The following XDH variants were observed in gnomAD, a reference collection of about 807,000 sequenced individuals.
XDH encodes xanthine dehydrogenase.
XDH carries 138 observed loss-of-function variants against 156.1 expected under a neutral mutation model. The observed-to-expected ratio is 0.88, with a 90% CI of 0.77 to 1.02. The LOEUF (loss-of-function observed/expected upper bound fraction) is 1.02. XDH is among the 50% of genes least tolerant of loss of function. The pLI is 0.00. For missense variants in XDH, 1,849 were observed against 1,684.9 expected, an observed-to-expected ratio of 1.10 and a Z score of -1.71; for synonymous variants, 669 against 625.7, an observed-to-expected ratio of 1.07 and a Z score of -1.03.
At chr2:31,406,392 G>GGCTTGT (rs1687192265) in intron 1 of XDH, among the ~76,000 whole-genome samples, 1 of 152,176 alleles carries the variant, frequency 6.6e-6, no homozygotes, top group Non-Finnish European at 1.5e-5. Flanking sequence ...ACAGCCTGCA[G>GGCTTGT]AACTGTGAGC....
Position 31,343,435 on chromosome 2 carries a change from GTATA to G in XDH, c.3405-1142_3405-1139del, listed in dbSNP as rs200798849. ...ATATGGCATAGAAATGTTTTTTTGT[GTATA>G]TATGTTTATACATATATGCCTTATA... On this transcript the variant is annotated intron_variant, in intron 31 of 35. Coordinates refer to ENST00000379416, the MANE Select transcript of XDH (RefSeq NM_000379.4). Among the ~76,000 whole-genome samples the G allele has an allele frequency of 1.3e-3, 179 of 133,722 alleles. 4 individuals carry two copies. In the East Asian group the frequency reaches 0.037, roughly 28 times the overall value. The allele number at this position is 133,722 out of a possible 152,430, so 87.7% of individuals were successfully genotyped here.
chr2:31,347,688 T>C (rs1366727910), intron 28 of XDH, 38 bp from the exon 29 acceptor site: 2 of 1,602,838 alleles, frequency 1.2e-6, no homozygotes, highest in East Asian at 4.5e-5. Context: ...AGGGAAGGGG[T>C]TATCATGGGG....
chr2:31,372,864 G>A (rs904350518), intron 16 of XDH, among the ~76,000 whole-genome samples: 18 of 151,682 alleles, frequency 1.2e-4, no homozygotes, highest in African/African-American at 4.4e-4. Context: ...ATAATGAAAA[G>A]AATTAAACAA....
At chr2:31,388,939 T>C (rs45583131) in intron 6 of XDH, among the ~76,000 whole-genome samples, 27 of 152,164 alleles carry the variant, frequency 1.8e-4, no homozygotes, top group Admixed American at 3.9e-4. Context: ...GCTCAGGACC[T>C]CTTAGGATAC....
At chr2:31,394,314 T>C (rs766896941) in intron 6 of XDH, among the ~76,000 whole-genome samples, 2 of 152,180 alleles carry the variant, frequency 1.3e-5, no homozygotes, top group Non-Finnish European at 2.9e-5. Context: ...GTGCTTTGGT[T>C]TTTTCTTTCA....
At chr2:31,367,767 G>T (rs1262528325) in intron 20 of XDH, among the ~76,000 whole-genome samples, 194 bp downstream of exon 20, 1 of 152,096 alleles carries the variant, frequency 6.6e-6, no homozygotes, top group African/African-American at 2.4e-5. Flanking sequence ...CTAGAGACAG[G>T]AGAGTAGAGA....
At chr2:31,354,131 T>C (rs1685564205) in intron 24 of XDH, among the ~76,000 whole-genome samples, 1 of 151,380 alleles carries the variant, frequency 6.6e-6, no homozygotes, top group Admixed American at 6.6e-5. Flanking sequence ...AGATCTCCCA[T>C]CTCTGCCCAG....
At chr2:31,376,032 A>G (rs1686235299) in intron 14 of XDH, among the ~76,000 whole-genome samples, 1 of 152,188 alleles carries the variant, frequency 6.6e-6, no homozygotes, top group South Asian at 2.1e-4. Context: ...GGGTGCTGTA[A>G]GGATTTCCTA....
At chr2:31,406,930 A>T (rs757705731) in intron 1 of XDH, among the ~76,000 whole-genome samples, 1 of 152,250 alleles carries the variant, frequency 6.6e-6, no homozygotes, top group Non-Finnish European at 1.5e-5. Context: ...ACTAGGTTCA[A>T]TAAGGTGGAA....
chr2:31,377,215 T>C lies in XDH; in HGVS notation c.1265A>G (p.Lys422Arg), dbSNP rs1686269082. ...GTCATCTTCTCTCCGGGAGGCCTGCTTGAATGCTGAGAAATACTCCCCCTA... is the reference window on the plus strand; with the variant it reads ...GTCATCTTCTCTCCGGGAGGCCTGCCTGAATGCTGAGAAATACTCCCCCTA... Reference protein sequence around the residue: ...SREGEYFSAFKQASRREDDIA... With the variant: ...SREGEYFSAFRQASRREDDIA... Residue 422 changes from lysine (K) to arginine (R), a missense_variant, in exon 14 of 36, where the codon AAG becomes AGG. Coordinates refer to ENST00000379416, the MANE Select transcript of XDH (RefSeq NM_000379.4). 1.2e-6 allele frequency: 2 copies of C among 1,614,134 alleles called. No individual in the cohort carries two copies. The highest frequency in any genetic ancestry group is 2.2e-5 in the East Asian group (1 of 44,856).
At chr2:31,337,600 G>C in intron 35 of XDH, 41 bp downstream of exon 35, 1 of 1,612,778 alleles carries the variant, frequency 6.2e-7, no homozygotes, top group Non-Finnish European at 8.5e-7. Context: ...GCCTATCCCT[G>C]GCCTCCCCTG....
At chr2:31,366,792 TC>T (rs1175487876) in intron 21 of XDH, 77 bp downstream of exon 21, 1 of 1,609,942 alleles carries the variant, frequency 6.2e-7, no homozygotes, top group East Asian at 2.2e-5. Flanking sequence ...TCTTCCTATT[TC>T]CCACATGGCC....
intron 35 of XDH, 46 bp from the exon 36 acceptor site, chr2:31,336,054 T>C: frequency 6.2e-7 from 1 of 1,600,808 alleles, no homozygotes; most frequent in Non-Finnish European, 8.6e-7. Flanking sequence ...CTGCTGATCA[T>C]GCTCCTCCCA....
chr2:31,352,945 T>A (rs1292703575), intron 24 of XDH, among the ~76,000 whole-genome samples: 1 of 148,060 alleles, frequency 6.8e-6, no homozygotes, highest in Non-Finnish European at 1.5e-5. Flanking sequence ...GGTCTTGAAC[T>A]CCTGACCTCA....
chr2:31,382,894 C>T lies in XDH; in HGVS notation c.1038+107G>A, dbSNP rs138077346. On this transcript the variant is annotated intron_variant, in intron 11 of 35. Coordinates refer to ENST00000379416, the MANE Select transcript of XDH (RefSeq NM_000379.4). Reference sequence around the variant, plus strand: ...ACTGCTCCTCCCAGGCAACTCTAAGCGCTAAAGTTTGAGGCCCACTGCACT... The same window carrying T: ...ACTGCTCCTCCCAGGCAACTCTAAGTGCTAAAGTTTGAGGCCCACTGCACT... The T allele has an allele frequency of 2.8e-5, 43 of 1,532,548 alleles. No individual in the cohort carries two copies. In the Admixed American group the frequency reaches 4.5e-4, roughly 16 times the overall value. 94.9% of individuals were successfully genotyped at this position (1,532,548 alleles called of 1,614,324 possible). A position where few individuals can be genotyped will look rare whatever the true frequency, so the allele number is the denominator to read the frequency against.
At chr2:31,374,261 G>A (rs1047195279) in intron 15 of XDH, among the ~76,000 whole-genome samples, 2 of 152,128 alleles carry the variant, frequency 1.3e-5, no homozygotes, top group African/African-American at 4.8e-5. Context: ...GTCTCTGTTG[G>A]GAGTATCCTT....
intron 24 of XDH, among the ~76,000 whole-genome samples, chr2:31,358,269 T>C (rs1685679922): frequency 1.3e-5 from 2 of 152,158 alleles, no homozygotes; most frequent in Non-Finnish European, 2.9e-5. Context: ...ATTTAATCAA[T>C]AGTTTTAAGG....
intron 24 of XDH, among the ~76,000 whole-genome samples, chr2:31,353,348 T>TTCTA (rs1380052067): frequency 2.6e-5 from 4 of 152,168 alleles, no homozygotes; most frequent in African/African-American, 9.7e-5. Context: ...TTACTCAGGA[T>TTCTA]TCTATCTTGT....
chr2:31,343,653 G>A (rs1241868121), intron 31 of XDH, among the ~76,000 whole-genome samples: 1 of 143,834 alleles, frequency 7.0e-6, no homozygotes, highest in Non-Finnish European at 1.5e-5. Flanking sequence ...GTGTACATAT[G>A]TTTATACAGA....
Sources: gnomAD v4.1 joint callset for allele counts (sites outside exome capture counted in the v4.1 genomes callset) on GRCh38, gnomAD v4.1.1 for gene constraint, MANE v1.5 for transcripts, NCBI Gene and HGNC (gene_info 2026-07-23, HGNC 2026-07-21) for gene names.